Variants in ADCY5 observed in about 807,000 individuals in gnomAD.
ADCY5 encodes adenylate cyclase type 5.
Under a neutral mutation model 119.7 loss-of-function variants are expected in ADCY5, and 30 were observed. The ratio of observed to expected loss-of-function variants is 0.25; its 90% CI spans 0.19 to 0.34. The LOEUF (loss-of-function observed/expected upper bound fraction) is 0.34. Ranked by LOEUF, ADCY5 falls within the 10% of genes least tolerant of loss-of-function variation. The pLI is 1.00. For synonymous variants in ADCY5, 753 were observed against 762.2 expected (o/e 0.99, Z 0.20); for missense variants, 1,324 against 1,775.2 (o/e 0.75, Z 4.57).
chr3:123,402,082 G>A (rs529468365), intron 1 of ADCY5, among the ~76,000 whole-genome samples: 1 of 152,298 alleles, frequency 6.6e-6, no homozygotes, highest in East Asian at 1.9e-4. Flanking sequence ...AGTGTGATTA[G>A]GACACAAAAG....
chr3:123,392,785 G>T (rs1294146642), intron 1 of ADCY5, among the ~76,000 whole-genome samples: 1 of 151,414 alleles, frequency 6.6e-6, no homozygotes, highest in Admixed American at 6.6e-5. Context: ...TCTCTTGCAC[G>T]CTATACCTCC....
At chr3:123,331,548 G>T (rs1032878292) in intron 4 of ADCY5, among the ~76,000 whole-genome samples, 4 of 152,198 alleles carry the variant, frequency 2.6e-5, no homozygotes, top group Non-Finnish European at 5.9e-5. Flanking sequence ...TATCAAAAAA[G>T]AATTTTGCTC....
intron 12 of ADCY5, among the ~76,000 whole-genome samples, chr3:123,312,911 G>C (rs1042610321): frequency 2.1e-5 from 3 of 143,876 alleles, no homozygotes; most frequent in South Asian, 2.1e-4. Context: ...AGCAGGCTGG[G>C]GGGGGCCTTG....
intron 1 of ADCY5, among the ~76,000 whole-genome samples, chr3:123,357,232 T>C (rs1314186976): frequency 1.3e-5 from 2 of 151,654 alleles, no homozygotes; most frequent in African/African-American, 4.9e-5. Flanking sequence ...ATGTAAATTA[T>C]ACCTTAATTT....
chr3:123,394,605 G>C (rs557113983), intron 1 of ADCY5, among the ~76,000 whole-genome samples: 1 of 152,314 alleles, frequency 6.6e-6, no homozygotes, highest in South Asian at 2.1e-4. Context: ...GGATGGGGGC[G>C]GGGCAGAGCC....
intron 1 of ADCY5, among the ~76,000 whole-genome samples, chr3:123,396,091 G>GGAGA (rs1944552915): frequency 1.3e-5 from 1 of 75,598 alleles, no homozygotes; most frequent in Non-Finnish European, 2.5e-5. Flanking sequence ...AGGGAAGGAG[G>GGAGA]GAGGGAAGGA....
chr3:123,411,801 C>T (rs1056399153), intron 1 of ADCY5, among the ~76,000 whole-genome samples: 9 of 152,318 alleles, frequency 5.9e-5, no homozygotes, highest in East Asian at 1.9e-4. Flanking sequence ...GCTGACATGT[C>T]AATACAGGTG....
chr3:123,313,746 A>G (rs1940720900), intron 12 of ADCY5, among the ~76,000 whole-genome samples: 2 of 152,228 alleles, frequency 1.3e-5, no homozygotes, highest in South Asian at 4.1e-4. Context: ...CTGCTTGAAA[A>G]CACCAAAACA....
intron 13 of ADCY5, among the ~76,000 whole-genome samples, chr3:123,303,805 A>G (rs559599146): frequency 2.6e-5 from 4 of 151,902 alleles, no homozygotes; most frequent in African/African-American, 7.2e-5. Flanking sequence ...AGCCTGGGTG[A>G]AAGAGTAAGA....
intron 1 of ADCY5, among the ~76,000 whole-genome samples, chr3:123,431,913 G>A (rs1283566408): frequency 6.6e-6 from 1 of 152,178 alleles, no homozygotes; most frequent in African/African-American, 2.4e-5. Context: ...GGGAGGCTCA[G>A]GGCAGTAGTT....
chr3:123,302,971 A>G lies in ADCY5; in HGVS notation c.2724+84T>C. ...GTGAGCTGGTGAGACCCTGTCCTTC[A>G]GACTGTCCTGAGCAGCTGCAGTGAC... is the stretch of plus-strand genomic sequence containing the variant. On this transcript the variant is annotated intron_variant, in intron 14 of 20. Coordinates refer to ENST00000462833, the MANE Select transcript of ADCY5 (RefSeq NM_183357.3). The G allele has an allele frequency of 3.3e-6, 5 of 1,507,262 alleles. No individual in the cohort carries two copies. The South Asian group carries it at 3.7e-5, about 11-fold the overall frequency. 93.4% of individuals were successfully genotyped at this position (1,507,262 alleles called of 1,614,324 possible).
chr3:123,331,507 A>G (rs1941763047), intron 4 of ADCY5, among the ~76,000 whole-genome samples: 1 of 152,184 alleles, frequency 6.6e-6, no homozygotes, highest in South Asian at 2.1e-4. Flanking sequence ...CTTTAACCAA[A>G]AGCTCACTGA....
chr3:123,392,893 C>T (rs1308314039), intron 1 of ADCY5, among the ~76,000 whole-genome samples: 1 of 152,044 alleles, frequency 6.6e-6, no homozygotes, highest in Non-Finnish European at 1.5e-5. Context: ...CCACAGGAGG[C>T]CACCACTTTC....
In ADCY5 at chr3:123,304,159, G is replaced by C. The variant is rs199645277; in HGVS notation, c.2467C>G (p.Leu823Val). ...TTGGACCGCACGATCTTCCTGGAGA[G>C]GGTCTGCAGTGGGGAGGGGAAGAGC... ...VKLFPSPLQT[L>V]SRKIVRSKMN... Residue 823 changes from leucine to valine, a missense_variant, in exon 13 of 21, where the codon CTC becomes GTC. Leu to Val is a conservative substitution (Grantham distance 32). Around this residue, in one of 6 missense-constraint regions of ADCY5, gnomAD observed 424 missense variants for 546.8 expected, o/e 0.78. Transcript: ENST00000462833. The C allele has an allele frequency of 7.3e-5, 118 of 1,613,068 alleles. No individual in the cohort carries two copies. Among genetic ancestry groups the C allele is most frequent in the Non-Finnish European group, 8.7e-5 (103 of 1,179,390 alleles).
chr3:123,347,976 G>A, intron 2 of ADCY5, 73 bp from the exon 3 acceptor site: 4 of 1,580,242 alleles, frequency 2.5e-6, no homozygotes, highest in East Asian at 2.2e-5. Flanking sequence ...CTCCACACCT[G>A]TGCCCCTGCC....
chr3:123,378,263 C>T (rs1943910999), intron 1 of ADCY5, among the ~76,000 whole-genome samples: 1 of 152,100 alleles, frequency 6.6e-6, no homozygotes, highest in Non-Finnish European at 1.5e-5. Flanking sequence ...GGAAATGGGT[C>T]TAGTGTCCAG....
chr3:123,423,055 G>A (rs1287865821), intron 1 of ADCY5, among the ~76,000 whole-genome samples: 1 of 152,168 alleles, frequency 6.6e-6, no homozygotes, highest in Non-Finnish European at 1.5e-5. Flanking sequence ...CCAGTTACTG[G>A]AGCCACCCTG....
intron 17 of ADCY5, among the ~76,000 whole-genome samples, chr3:123,294,130 G>A (rs181859886): frequency 9.2e-5 from 14 of 152,310 alleles, no homozygotes; most frequent in East Asian, 3.9e-4. Context: ...GGGAATCTGC[G>A]AGTCCAGGCT....
intron 7 of ADCY5, 54 bp downstream of exon 7, chr3:123,327,564 G>T: frequency 6.5e-7 from 1 of 1,533,564 alleles, no homozygotes; most frequent in Non-Finnish European, 8.9e-7. Flanking sequence ...TCACGAAAAT[G>T]TTCCTCCCTG....
Sources: allele counts gnomAD v4.1 joint callset (sites outside exome capture counted in the v4.1 genomes callset), GRCh38; gene constraint gnomAD v4.1.1; regional missense constraint gnomAD v4.1.1; transcripts MANE v1.5; gene names NCBI Gene and HGNC (gene_info 2026-07-23, HGNC 2026-07-21).